SLC30A9: variants seen among roughly 807,000 people sequenced by gnomAD.
SLC30A9 encodes proton-coupled zinc antiporter SLC30A9, mitochondrial.
In SLC30A9, 58 loss-of-function variants were observed where a neutral mutation model predicts 87.5. That is an observed-to-expected ratio of 0.66 (90% CI 0.54 to 0.82). The LOEUF is 0.82. Ranked by LOEUF, SLC30A9 falls within the 40% of genes least tolerant of loss-of-function variation. SLC30A9 has a pLI of 0.00. For missense variants in SLC30A9, 557 were observed against 679.1 expected (o/e 0.82, Z 2.00); for synonymous variants, 234 against 233.0 (o/e 1.00, Z -0.04).
At chr4:42,061,222 T>C (rs1717842751) in intron 10 of SLC30A9, among the ~76,000 whole-genome samples, 1 of 152,242 alleles carries the variant, frequency 6.6e-6, no homozygotes, top group South Asian at 2.1e-4. Flanking sequence ...CTGTCCAGTA[T>C]GGTAGTAGCT....
At chr4:42,064,065 A>G (rs1717980870) in intron 11 of SLC30A9, among the ~76,000 whole-genome samples, 1 of 152,166 alleles carries the variant, frequency 6.6e-6, no homozygotes, top group Non-Finnish European at 1.5e-5. Context: ...TTGCGTATGG[A>G]TGTATCACTC....
At chr4:42,066,744 G>A (rs1718092669) in intron 13 of SLC30A9, 123 bp downstream of exon 13, 1 of 599,890 alleles carries the variant, frequency 1.7e-6, no homozygotes, top group Admixed American at 3.2e-5. Context: ...ATCCCTGTGT[G>A]GCTCTTACAT....
intron 2 of SLC30A9, 138 bp from the exon 3 acceptor site, chr4:42,017,973 A>T (rs1203367669): frequency 1.8e-6 from 1 of 546,760 alleles, no homozygotes; most frequent in Non-Finnish European, 3.3e-6. Flanking sequence ...CTACTCTTAC[A>T]TTCTTAAGAT....
rs144305737 is a variant in SLC30A9, at chr4:42,068,522, G to A, written c.1252+1330G>A. ...GGCCTCCCAAAGTGCTGGGATTACA[G>A]GCATGAGCCACCACGCCCGGCCGGA... is the stretch of plus-strand genomic sequence containing the variant. On this transcript the variant is annotated intron_variant, in intron 14 of 17. Transcript: ENST00000264451. Among the ~76,000 whole-genome samples, 210 of 152,340 alleles carry A rather than the reference G, an allele frequency of 1.4e-3. 1 individual carries two copies. The East Asian group carries it at 0.028, about 20-fold the overall frequency.
intron 17 of SLC30A9, among the ~76,000 whole-genome samples, chr4:42,084,065 A>T (rs10938176): frequency 0.65 from 99,257 of 152,054 alleles, 36,891 homozygotes; most frequent in East Asian, 0.96. Flanking sequence ...TGGTCCTAGG[A>T]TATTTTTAAG....
chr4:41,997,506 C>T (rs781525366), intron 1 of SLC30A9, among the ~76,000 whole-genome samples: 3 of 151,876 alleles, frequency 2.0e-5, no homozygotes, highest in Non-Finnish European at 2.9e-5. Context: ...AAAAACTATG[C>T]ATAATTCAGA....
At position 42,078,231 on chromosome 4, in the gene SLC30A9, C is replaced by T. The variant is rs1487098341; in HGVS notation, c.1568C>T (p.Thr523Ile). Reference protein sequence around the residue: ...QMLQEIQEVKTPEELETFMLK... With the variant: ...QMLQEIQEVKIPEELETFMLK... ...TTATAGGAAATTCAAGAAGTGAAAA[C>T]TCCTGAAGAACTAGAGACCTTTATG... Residue 523 changes from threonine (T) to isoleucine (I), a missense_variant, in exon 17 of 18, where the codon ACT becomes ATT. Transcript: ENST00000264451. The T allele has an allele frequency of 6.5e-7, 1 of 1,536,882 alleles. No homozygotes were observed. The highest frequency in any genetic ancestry group is 2.0e-5 in the Admixed American group (1 of 49,320).
intron 2 of SLC30A9, among the ~76,000 whole-genome samples, chr4:42,011,445 C>T (rs574292068): frequency 6.6e-6 from 1 of 152,254 alleles, no homozygotes; most frequent in Non-Finnish European, 1.5e-5. Context: ...CTGAAACTTG[C>T]TGTTTCCTGG....
At chr4:42,081,427 C>G (rs571278047) in intron 17 of SLC30A9, among the ~76,000 whole-genome samples, 4 of 152,014 alleles carry the variant, frequency 2.6e-5, no homozygotes, top group Non-Finnish European at 5.9e-5. Flanking sequence ...TTTATGCCAT[C>G]AGGAAATGTC....
intron 6 of SLC30A9, among the ~76,000 whole-genome samples, chr4:42,030,336 C>CA (rs1283200455): frequency 6.6e-6 from 1 of 152,148 alleles, no homozygotes; most frequent in East Asian, 1.9e-4. Context: ...CTGTAAATGA[C>CA]AAAAGAAAAA....
intron 7 of SLC30A9, among the ~76,000 whole-genome samples, chr4:42,036,640 A>G (rs1208494017): frequency 6.6e-6 from 1 of 152,184 alleles, no homozygotes; most frequent in African/African-American, 2.4e-5. Context: ...CATTGCACCC[A>G]TTTTGCAAAG....
intron 9 of SLC30A9, among the ~76,000 whole-genome samples, chr4:42,050,593 C>A (rs976184251): frequency 5.3e-5 from 8 of 152,134 alleles, no homozygotes; most frequent in Admixed American, 5.2e-4. Flanking sequence ...TGTGTACTGA[C>A]CTGGAATGAT....
intron 6 of SLC30A9, among the ~76,000 whole-genome samples, chr4:42,028,864 A>G (rs1452163131): frequency 6.6e-6 from 1 of 152,228 alleles, no homozygotes; most frequent in African/African-American, 2.4e-5. Flanking sequence ...CTATTATCAA[A>G]CACTGAGTGG....
rs566533842 is a variant in SLC30A9, at chr4:42,063,254, A to C, written c.1032+133A>C. 5 of 603,718 alleles carry C rather than the reference A, an allele frequency of 8.3e-6. No individual in the cohort carries two copies. The African/African-American group carries it at 9.4e-5, about 11-fold the overall frequency. 37.4% of individuals were successfully genotyped at this position (603,718 alleles called of 1,614,324 possible). On this transcript the variant is annotated intron_variant, in intron 11 of 17. Transcript: ENST00000264451. ...TTGACTGTGTATTGTAGGGTTATATATCTATAGTTTAATTTTTAGAACGTG... is the reference window on the plus strand; with the variant it reads ...TTGACTGTGTATTGTAGGGTTATATCTCTATAGTTTAATTTTTAGAACGTG...
intron 17 of SLC30A9, chr4:42,078,831 CA>C (rs1269994627): frequency 1.3e-5 from 2 of 152,180 alleles, no homozygotes; most frequent in Non-Finnish European, 2.9e-5. Flanking sequence ...TAAAATGTCT[CA>C]GTGTTCTCAA....
intron 1 of SLC30A9, among the ~76,000 whole-genome samples, chr4:41,993,330 A>G (rs190848739): frequency 1.1e-4 from 16 of 152,258 alleles, no homozygotes; most frequent in African/African-American, 3.9e-4. Flanking sequence ...TCAGCACATC[A>G]CAGTTCAGAC....
Position 41,990,757 on chromosome 4 carries a change from C to T in SLC30A9, c.106C>T (p.Gln36Ter). 1.2e-6 allele frequency: 2 copies of T among 1,608,580 alleles called. No individual in the cohort carries two copies. The highest frequency in any genetic ancestry group is 1.7e-6 in the Non-Finnish European group (2 of 1,177,398). The change falls in exon 1 of 18, where the codon CAG becomes TAG. Residue 36 changes from glutamine to a stop codon, truncating the protein, a stop_gained. Transcript: ENST00000264451. LOFTEE classifies it high-confidence loss of function. ...RAAACNPSDRQEWQNLVTFGS... is the reference protein window; with the variant it reads ...RAAACNPSDR ...GGCGGCCTGTAATCCCAGCGACCGC[C>T]AGGGTGAGTGTCCCGCGCTGGCCGC...
intron 3 of SLC30A9, among the ~76,000 whole-genome samples, chr4:42,018,668 A>G (rs1179161434): frequency 6.6e-6 from 1 of 152,218 alleles, no homozygotes; most frequent in Non-Finnish European, 1.5e-5. Context: ...CTTTGGCATC[A>G]GATAAAACTG....
chr4:42,076,165 C>T (rs900656404), intron 16 of SLC30A9, among the ~76,000 whole-genome samples: 2 of 152,086 alleles, frequency 1.3e-5, no homozygotes, highest in Non-Finnish European at 2.9e-5. Context: ...ATCTGCCTGA[C>T]TCCAGAATCC....
Sources: allele counts gnomAD v4.1 joint callset (sites outside exome capture counted in the v4.1 genomes callset), GRCh38; gene constraint gnomAD v4.1.1; transcripts MANE v1.5; gene names NCBI Gene and HGNC (gene_info 2026-07-23, HGNC 2026-07-21).